The following STK33 variants were observed in gnomAD, a reference collection of about 807,000 sequenced individuals.
The protein encoded by STK33 is serine/threonine-protein kinase 33.
STK33 carries 52 observed loss-of-function variants against 58.0 expected under a neutral mutation model. The observed-to-expected ratio is 0.90, with a 90% CI of 0.72 to 1.13. STK33 has a LOEUF of 1.13. STK33 is among the 50% of genes most tolerant of loss of function. The pLI, the probability that STK33 is intolerant of heterozygous loss-of-function variation, is 0.00. For synonymous variants in STK33, 215 were observed against 200.1 expected, an observed-to-expected ratio of 1.07 and a Z score of -0.63; for missense variants, 630 against 604.2, an observed-to-expected ratio of 1.04 and a Z score of -0.45.
intron 1 of STK33, among the ~76,000 whole-genome samples, chr11:8,492,811 G>C (rs1450480055): frequency 1.3e-5 from 2 of 152,074 alleles, no homozygotes; most frequent in Admixed American, 6.6e-5. Context: ...ATCCTGAAAA[G>C]TGCATGGAAA....
At chr11:8,552,573 C>A (rs1956375316) in intron 1 of STK33, among the ~76,000 whole-genome samples, 1 of 151,796 alleles carries the variant, frequency 6.6e-6, no homozygotes, top group African/African-American at 2.4e-5. Context: ...TTTTTCAGTT[C>A]TTTTACTCAT....
At chr11:8,472,925 C>G (rs1370825382) in intron 6 of STK33, among the ~76,000 whole-genome samples, 3 of 152,188 alleles carry the variant, frequency 2.0e-5, no homozygotes, top group Non-Finnish European at 4.4e-5. Context: ...AAACTATCCT[C>G]ATTTTAGCTA....
chr11:8,346,319 G>T, the STK33 span, among the ~76,000 whole-genome samples: 1 of 152,218 alleles, frequency 6.6e-6, no homozygotes, highest in African/African-American at 2.4e-5. Flanking sequence ...GGGTGGGAGA[G>T]GTGGGAGGAG....
rs759287665 is a variant in STK33 at position 8,454,824 on chromosome 11, G to A, written c.706C>T (p.His236Tyr). 6.4e-7 allele frequency: 1 copy of A among 1,552,296 alleles called. No individual in the cohort carries two copies. Among genetic ancestry groups the A allele is most frequent in the Non-Finnish European group, 8.7e-7 (1 of 1,145,428 alleles). ...IAYLHNNDIV[H>Y]RDLKLENIMV... ...ATATTTTCCAGTTTCAGATCTCTAT[G>A]TACAATATCTACCAAGAAAATAAAC... The change falls in exon 10 of 16, where the codon CAT becomes TAT. Residue 236 changes from histidine to tyrosine, a missense_variant. Transcript: ENST00000687296.
chr11:8,483,405 G>A (rs541871344), intron 1 of STK33, among the ~76,000 whole-genome samples: 2 of 152,288 alleles, frequency 1.3e-5, no homozygotes, highest in African/African-American at 4.8e-5. Context: ...GGTTAAATAA[G>A]AGTATTTTCA....
intron 1 of STK33, among the ~76,000 whole-genome samples, chr11:8,549,555 C>G (rs1406110128): frequency 6.6e-6 from 1 of 151,790 alleles, no homozygotes; most frequent in African/African-American, 2.4e-5. Flanking sequence ...AGTTTGAATA[C>G]AAATGGTATT....
intron 1 of STK33, among the ~76,000 whole-genome samples, chr11:8,553,711 C>A (rs1039421393): frequency 6.6e-6 from 1 of 152,000 alleles, no homozygotes; most frequent in Non-Finnish European, 1.5e-5. Context: ...GAAATGGACA[C>A]CCTCTTTAAT....
the STK33 span, among the ~76,000 whole-genome samples, chr11:8,344,480 A>T: frequency 6.6e-6 from 1 of 152,216 alleles, no homozygotes; most frequent in East Asian, 1.9e-4. Context: ...TTTCATCCTT[A>T]CAATTGTATG....
chr11:8,588,213 T>C lies in STK33; in HGVS notation c.-466+5870A>G, dbSNP rs116007002. Among the ~76,000 whole-genome samples, 268 of 152,292 alleles carry C rather than the reference T, an allele frequency of 1.8e-3. 1 individual carries two copies. The highest frequency in any genetic ancestry group is 6.2e-3 in the African/African-American group (257 of 41,552). On this transcript the variant is annotated intron_variant, in intron 1 of 15. Transcript: ENST00000687296. ...CACACTGGGGATTTAGACCTCAACA[T>C]ATGAATTCTGAGGGGACACAAACAT...
chr11:8,584,125 A>C (rs79704807), intron 1 of STK33, among the ~76,000 whole-genome samples: 1 of 151,722 alleles, frequency 6.6e-6, no homozygotes, highest in East Asian at 1.9e-4. Flanking sequence ...AAAAAAAAAA[A>C]AAGAAAGAAA....
intron 1 of STK33, among the ~76,000 whole-genome samples, chr11:8,503,504 C>G (rs569046406): frequency 6.6e-6 from 1 of 152,178 alleles, no homozygotes; most frequent in South Asian, 2.1e-4. Context: ...ATTCAAAAAA[C>G]TACTGATTGG....
the STK33 span, among the ~76,000 whole-genome samples, chr11:8,354,820 G>C: frequency 6.6e-6 from 1 of 152,254 alleles, no homozygotes; most frequent in East Asian, 1.9e-4. Context: ...TTAGAGGAGG[G>C]GGCCAGGTGG....
At chr11:8,416,170 G>A (rs945776875) in intron 14 of STK33, among the ~76,000 whole-genome samples, 6 of 152,110 alleles carry the variant, frequency 3.9e-5, no homozygotes, top group South Asian at 2.1e-4. Flanking sequence ...TGATAATGCC[G>A]AAAGTGAAAA....
chr11:8,505,274 G>T (rs559025730), intron 1 of STK33, among the ~76,000 whole-genome samples: 12 of 152,316 alleles, frequency 7.9e-5, no homozygotes, highest in Non-Finnish European at 1.2e-4. Flanking sequence ...AAGCCACGCA[G>T]TCTGTTACCT....
At chr11:8,343,661 G>C in the STK33 span, among the ~76,000 whole-genome samples, 1 of 152,160 alleles carries the variant, frequency 6.6e-6, no homozygotes, top group Non-Finnish European at 1.5e-5. Context: ...ATCAAGGCTG[G>C]GGCGAGTCTC....
At chr11:8,416,534 AT>A (rs1416291157) in intron 14 of STK33, among the ~76,000 whole-genome samples, 1 of 152,132 alleles carries the variant, frequency 6.6e-6, no homozygotes, top group Non-Finnish European at 1.5e-5. Context: ...TATTGAGATC[AT>A]TTTTTCACAG....
chr11:8,503,897 T>C (rs1951691566), intron 1 of STK33, among the ~76,000 whole-genome samples: 1 of 152,212 alleles, frequency 6.6e-6, no homozygotes, highest in Admixed American at 6.5e-5. Context: ...TCTCCTGTAC[T>C]TGAACTTGAC....
intron 1 of STK33, among the ~76,000 whole-genome samples, chr11:8,494,108 C>A (rs371459974): frequency 9.2e-5 from 14 of 152,132 alleles, no homozygotes; most frequent in East Asian, 5.8e-4. Flanking sequence ...AGCAAGCAGG[C>A]AATAGAAAGA....
intron 14 of STK33, among the ~76,000 whole-genome samples, chr11:8,421,612 G>T (rs1272458491): frequency 6.6e-6 from 1 of 152,094 alleles, no homozygotes; most frequent in African/African-American, 2.4e-5. Context: ...TTATAGCCAG[G>T]AAAGTTTGTG....
Sources: allele counts gnomAD v4.1 joint callset (sites outside exome capture counted in the v4.1 genomes callset), GRCh38; gene constraint gnomAD v4.1.1; transcripts MANE v1.5; gene names NCBI Gene and HGNC (gene_info 2026-07-23, HGNC 2026-07-21).